TAFA1: variants seen among roughly 807,000 people sequenced by gnomAD.
TAFA1 encodes the protein chemokine-like protein TAFA-1.
A neutral mutation model predicts 18.5 loss-of-function variants in TAFA1; 4 were observed. The ratio of observed to expected loss-of-function variants is 0.22; its 90% confidence interval spans 0.11 to 0.49. The LOEUF (loss-of-function observed/expected upper bound fraction) is 0.49, where lower values mean the gene tolerates loss of function less well. Among genes scored for constraint, TAFA1 ranks in the 20% least tolerant of loss-of-function variants. TAFA1 has a pLI of 0.98. For missense variants in TAFA1, 147 were observed against 169.0 expected (o/e 0.87, Z 0.72); for synonymous variants, 56 against 55.2 (o/e 1.01, Z -0.06).
rs965081578 is a variant in TAFA1 at position 68,474,994 on chromosome 3, C to G, written c.259+57574C>G. ...AGATGAGATGTGCTGAACTGATTAG[C>G]TAAGATCGTACTTCTTTATCAAAGA... is the stretch of plus-strand genomic sequence containing the variant. On this transcript the variant is annotated intron_variant, in intron 3 of 4. Transcript: ENST00000478136. 2.0e-5 allele frequency among the ~76,000 whole-genome samples: 3 copies of G among 151,896 alleles called. No homozygotes were observed. The East Asian group carries it at 5.8e-4, about 29-fold the overall frequency.
intron 3 of TAFA1, among the ~76,000 whole-genome samples, chr3:68,443,981 T>C (rs918774665): frequency 6.6e-6 from 1 of 152,170 alleles, no homozygotes; most frequent in Non-Finnish European, 1.5e-5. Flanking sequence ...CACCATTTCC[T>C]AACAAAGTGA....
intron 3 of TAFA1, among the ~76,000 whole-genome samples, chr3:68,440,658 G>C (rs1367870367): frequency 6.6e-6 from 1 of 152,118 alleles, no homozygotes; most frequent in East Asian, 1.9e-4. Flanking sequence ...CTTCATTCCT[G>C]AAGGGTCTGG....
chr3:68,245,040 T>C (rs1036891673), intron 2 of TAFA1, among the ~76,000 whole-genome samples: 3 of 152,242 alleles, frequency 2.0e-5, no homozygotes, highest in African/African-American at 7.2e-5. Context: ...GCCTTTATTT[T>C]GTTGTATAGT....
intron 2 of TAFA1, among the ~76,000 whole-genome samples, chr3:68,387,885 A>G (rs1441629184): frequency 6.6e-6 from 1 of 152,194 alleles, no homozygotes; most frequent in East Asian, 1.9e-4. Context: ...GTTTTTATGA[A>G]AAACAATTAT....
At chr3:68,505,514 C>T (rs1229803343) in intron 3 of TAFA1, among the ~76,000 whole-genome samples, 3 of 152,248 alleles carry the variant, frequency 2.0e-5, no homozygotes, top group South Asian at 4.1e-4. Flanking sequence ...TCAGGAATGT[C>T]CTAGCTGAAT....
rs143413150 is a variant in TAFA1 at position 68,476,347 on chromosome 3, G to A, written c.259+58927G>A. ...GAAACCTGCAGCCATTCAACACAGT[G>A]AGAAAAGTGCTCGGGACCTGTCCTG... On this transcript the variant is annotated intron_variant, in intron 3 of 4. Transcript: ENST00000478136. Among the ~76,000 whole-genome samples, 443 of 152,306 alleles carry A rather than the reference G, an allele frequency of 2.9e-3. 2 individuals carry two copies. Among genetic ancestry groups the A allele is most frequent in the African/African-American group, 0.01 (420 of 41,574 alleles).
chr3:68,471,140 C>T (rs951821486), intron 3 of TAFA1, among the ~76,000 whole-genome samples: 9 of 152,308 alleles, frequency 5.9e-5, no homozygotes, highest in Middle Eastern at 3.4e-3. Context: ...TGCAGGTGCA[C>T]AGAAGTCAAG....
intron 2 of TAFA1, among the ~76,000 whole-genome samples, chr3:68,227,335 T>C (rs1491738): frequency 0.68 from 103,265 of 152,066 alleles, 35,445 homozygotes; most frequent in Middle Eastern, 0.81. Flanking sequence ...ATTAATTTCC[T>C]TTCCTGCTAA....
chr3:68,325,333 C>T (rs1248896082), intron 2 of TAFA1, among the ~76,000 whole-genome samples: 1 of 152,118 alleles, frequency 6.6e-6, no homozygotes, highest in Admixed American at 6.6e-5. Flanking sequence ...TAATTCTTAG[C>T]CCCCCAAATA....
chr3:68,245,109 T>C (rs1291317059), intron 2 of TAFA1, among the ~76,000 whole-genome samples: 1 of 152,214 alleles, frequency 6.6e-6, no homozygotes, highest in East Asian at 1.9e-4. Flanking sequence ...TCTCAAGAAC[T>C]CAGCTGGAGG....
At chr3:68,461,286 C>CAAAA (rs770392704) in intron 3 of TAFA1, among the ~76,000 whole-genome samples, 11 of 125,540 alleles carry the variant, frequency 8.8e-5, no homozygotes, top group East Asian at 2.1e-4. Flanking sequence ...TGCCAAAAAA[C>CAAAA]AAACAAACAA....
At chr3:68,385,563 T>C (rs554960863) in intron 2 of TAFA1, among the ~76,000 whole-genome samples, 1 of 152,114 alleles carries the variant, frequency 6.6e-6, no homozygotes, top group South Asian at 2.1e-4. Context: ...AAAGTTGTTA[T>C]AAAGACTGAA....
chr3:68,343,883 G>A (rs1197527029), intron 2 of TAFA1, among the ~76,000 whole-genome samples: 2 of 152,196 alleles, frequency 1.3e-5, no homozygotes, highest in Non-Finnish European at 1.5e-5. Context: ...TGCTCCTGTT[G>A]CCCAGGCCAG....
chr3:68,521,856 GTTT>G (rs57372768), intron 3 of TAFA1, among the ~76,000 whole-genome samples: 2 of 70,844 alleles, frequency 2.8e-5, no homozygotes, highest in Non-Finnish European at 4.9e-5. Flanking sequence ...GTTTTTTTCT[GTTT>G]TTTTTTTTTT....
At chr3:68,497,950 C>A (rs1008142405) in intron 3 of TAFA1, among the ~76,000 whole-genome samples, 3 of 152,160 alleles carry the variant, frequency 2.0e-5, no homozygotes, top group African/African-American at 7.2e-5. Context: ...TGGTAACCCA[C>A]TAATTGAACT....
chr3:68,465,895 G>C (rs77281802), intron 3 of TAFA1, among the ~76,000 whole-genome samples: 4,231 of 152,288 alleles, frequency 0.028, 91 homozygotes, highest in Middle Eastern at 0.078. Context: ...ACACTAGGCA[G>C]GGGAGTAAGG....
intron 2 of TAFA1, among the ~76,000 whole-genome samples, chr3:68,397,270 C>A (rs2070399461): frequency 6.6e-6 from 1 of 151,860 alleles, no homozygotes; most frequent in South Asian, 2.1e-4. Context: ...GTTTTAAGTC[C>A]CGCATGCGTT....
chr3:68,385,642 T>A (rs1174565185), intron 2 of TAFA1, among the ~76,000 whole-genome samples: 2 of 152,116 alleles, frequency 1.3e-5, no homozygotes, highest in Non-Finnish European at 2.9e-5. Flanking sequence ...TTGCTATGAC[T>A]AGATTTATTC....
At chr3:68,288,944 A>G (rs2068063971) in intron 2 of TAFA1, among the ~76,000 whole-genome samples, 1 of 152,228 alleles carries the variant, frequency 6.6e-6, no homozygotes, top group Admixed American at 6.5e-5. Flanking sequence ...AAGTTTTGAA[A>G]CTAGGCCAAG....
Sources: gnomAD v4.1 joint callset for allele counts (sites outside exome capture counted in the v4.1 genomes callset) on GRCh38, gnomAD v4.1.1 for gene constraint, MANE v1.5 for transcripts, NCBI Gene and HGNC (gene_info 2026-07-23, HGNC 2026-07-21) for gene names.